PLEKHG7: variants seen among roughly 807,000 people sequenced by gnomAD.
PLEKHG7 encodes the protein pleckstrin homology and RhoGEF domain containing G7.
Under a neutral mutation model 85.2 loss-of-function variants are expected in PLEKHG7, and 77 were observed. The observed-to-expected ratio is 0.90, with a 90% CI of 0.75 to 1.09. The LOEUF is 1.09. Ranked by LOEUF, PLEKHG7 falls within the 50% of genes least tolerant of loss-of-function variation. PLEKHG7 has a pLI of 0.00. For missense variants in PLEKHG7, 777 were observed against 804.3 expected (o/e 0.97, Z 0.41); for synonymous variants, 301 against 302.4 (o/e 1.00, Z 0.05).
chr12:92,707,307 A>C, intron 2 of PLEKHG7, 169 bp downstream of exon 2: 1 of 1,431,234 alleles, frequency 7.0e-7, no homozygotes, highest in Non-Finnish European at 9.1e-7. Flanking sequence ...CTTAAGTGAA[A>C]GGAGGGCAGC....
intron 3 of PLEKHG7, among the ~76,000 whole-genome samples, chr12:92,727,927 GGT>G (rs540230230): frequency 0.27 from 23,242 of 84,868 alleles, 4,292 homozygotes; most frequent in Non-Finnish European, 0.31. Flanking sequence ...GGTATTCTAT[GGT>G]GTGTGTGTGT....
intron 3 of PLEKHG7, among the ~76,000 whole-genome samples, chr12:92,720,329 T>G (rs1871602667): frequency 6.6e-6 from 1 of 151,296 alleles, no homozygotes; most frequent in African/African-American, 2.4e-5. Flanking sequence ...GTGTCTTTTT[T>G]TTTTTCTTTT....
chr12:92,764,553 C>T (rs1873133212), intron 15 of PLEKHG7, among the ~76,000 whole-genome samples: 1 of 152,016 alleles, frequency 6.6e-6, no homozygotes, highest in Non-Finnish European at 1.5e-5. Context: ...ATCATTAATA[C>T]TATTGCTGTT....
intron 1 of PLEKHG7, among the ~76,000 whole-genome samples, chr12:92,704,178 T>A (rs1381334496): frequency 6.6e-6 from 1 of 152,046 alleles, no homozygotes; most frequent in African/African-American, 2.4e-5. Context: ...ATGAGGATTC[T>A]GTGAGGCTAG....
chr12:92,707,673 G>C lies in PLEKHG7; in HGVS notation c.530+1G>C, dbSNP rs761621304. The C allele has an allele frequency of 4.2e-5, 68 of 1,613,870 alleles. No homozygotes were observed. The highest frequency in any genetic ancestry group is 5.8e-5 in the Non-Finnish European group (68 of 1,179,946). On this transcript the variant is annotated splice_donor_variant, in intron 3 of 16. Transcript: ENST00000344636. LOFTEE classifies it high-confidence loss of function. The stretch of plus-strand genomic sequence containing the variant: ...AGGGAGAAGAATTGCACCCATCCAG[G>C]TGTGTATGCATTTATTTTCTCCGGT...
At chr12:92,714,519 C>T (rs1283275837) in intron 3 of PLEKHG7, among the ~76,000 whole-genome samples, 1 of 152,168 alleles carries the variant, frequency 6.6e-6, no homozygotes, top group South Asian at 2.1e-4. Flanking sequence ...GAGCTTGTGT[C>T]TATTTTTCAA....
intron 15 of PLEKHG7, among the ~76,000 whole-genome samples, chr12:92,764,454 T>C (rs1165224841): frequency 2.0e-5 from 3 of 152,186 alleles, no homozygotes; most frequent in Admixed American, 6.5e-5. Flanking sequence ...GGGATAATAA[T>C]ATCTATTTCA....
At chr12:92,709,979 C>T (rs1871336899) in intron 3 of PLEKHG7, among the ~76,000 whole-genome samples, 1 of 152,130 alleles carries the variant, frequency 6.6e-6, no homozygotes, top group African/African-American at 2.4e-5. Context: ...CCAAAGTGTC[C>T]AGGTGGCAAT....
rs760170614 is a variant in PLEKHG7 at position 92,727,962 on chromosome 12, G to GTGTGTATATA, written c.531-1030_531-1029insGTGTATATAT. 5.2e-5 allele frequency among the ~76,000 whole-genome samples: 5 copies of GTGTGTATATA among 96,546 alleles called. 1 individual carries two copies. Among genetic ancestry groups the GTGTGTATATA allele is most frequent in the Non-Finnish European group, 8.4e-5 (4 of 47,760 alleles). The allele number at this position is 96,546 out of a possible 152,430, so 63.3% of individuals were successfully genotyped here. On this transcript the variant is annotated intron_variant, in intron 3 of 16. Coordinates refer to ENST00000344636, the MANE Select transcript of PLEKHG7 (RefSeq NM_001377329.1). ...TGTGTGTGTGTGTGTGTGTGTGTGTGTATATATATATATACACATATATAC... is the reference window on the plus strand; with the variant it reads ...TGTGTGTGTGTGTGTGTGTGTGTGTGTGTGTATATATATATATATATATACACATATATAC...
chr12:92,706,699 C>T lies in PLEKHG7; in HGVS notation c.68C>T (p.Ser23Leu), dbSNP rs775118802. ...PQDCGASPRP[S>L]LRSLPKNQGS... ...GACTGTGGAGCCTCTCCTCGGCCCT[C>T]GCTGAGGAGCCTGCCAAAGAACCAG... The change falls in exon 2 of 17, where the codon TCG becomes TTG. Residue 23 changes from serine to leucine, a missense_variant. Ser to Leu is a moderately radical substitution (Grantham distance 145, BLOSUM62 -2). Transcript: ENST00000344636. 7 of 1,614,038 alleles carry T rather than the reference C, an allele frequency of 4.3e-6. No homozygotes were observed. Among genetic ancestry groups the T allele is most frequent in the African/African-American group, 4.0e-5 (3 of 74,922 alleles).
chr12:92,758,833 T>C (rs1565796801), intron 13 of PLEKHG7, among the ~76,000 whole-genome samples: 1 of 152,184 alleles, frequency 6.6e-6, no homozygotes, highest in Non-Finnish European at 1.5e-5. Context: ...CGAGATTTGA[T>C]GGGGCAGGGT....
intron 3 of PLEKHG7, among the ~76,000 whole-genome samples, chr12:92,726,391 T>C (rs1871816379): frequency 6.6e-6 from 1 of 152,222 alleles, no homozygotes; most frequent in Non-Finnish European, 1.5e-5. Context: ...TTCATAGCTA[T>C]GCTTTTGTTG....
At chr12:92,746,192 T>C (rs1218619536) in intron 10 of PLEKHG7, among the ~76,000 whole-genome samples, 1 of 152,246 alleles carries the variant, frequency 6.6e-6, no homozygotes, top group African/African-American at 2.4e-5. Flanking sequence ...CCTGCTTTGA[T>C]ATTTCTTTAG....
intron 16 of PLEKHG7, 85 bp from the exon 17 acceptor site, chr12:92,770,003 C>A: frequency 1.2e-6 from 1 of 842,300 alleles, no homozygotes; most frequent in Non-Finnish European, 1.9e-6. Context: ...ATAAATATAG[C>A]AGAAAATATT....
At position 92,722,605 on chromosome 12, in the gene PLEKHG7, C is replaced by T. The variant is rs11106688; in HGVS notation, c.531-6388C>T. On this transcript the variant is annotated intron_variant, in intron 3 of 16. Coordinates refer to ENST00000344636, the MANE Select transcript of PLEKHG7 (RefSeq NM_001377329.1). ...GTGCAAATTCAACTCCAAATTTGAC[C>T]TTTGTGCTCCCAAATGGATGCATGA... Among the ~76,000 whole-genome samples the T allele has an allele frequency of 1.8e-3, 268 of 152,266 alleles. 2 individuals carry two copies. The highest frequency in any genetic ancestry group is 6.3e-3 in the African/African-American group (263 of 41,554).
chr12:92,761,685 A>T lies in PLEKHG7; in HGVS notation c.1637-67A>T, dbSNP rs895434401. 5 of 1,423,764 alleles carry T rather than the reference A, an allele frequency of 3.5e-6. No homozygotes were observed. In the East Asian group the frequency reaches 1.2e-4, roughly 33 times the overall value. 88.2% of individuals were successfully genotyped at this position (1,423,764 alleles called of 1,614,324 possible). On this transcript the variant is annotated intron_variant, in intron 13 of 16. Transcript: ENST00000344636. The stretch of plus-strand genomic sequence containing the variant: ...AAGAAAGAAAGAAAGAAAGAAAGAA[A>T]GGGAAAGAAAAACTCTTCTACTTAA...
chr12:92,767,429 G>A (rs374385963), intron 15 of PLEKHG7, among the ~76,000 whole-genome samples: 13 of 151,670 alleles, frequency 8.6e-5, no homozygotes, highest in African/African-American at 3.1e-4. Flanking sequence ...ACAATGACCT[G>A]ATCTTTAAAG....
chr12:92,710,293 T>G (rs1871342459), intron 3 of PLEKHG7, among the ~76,000 whole-genome samples: 2 of 152,354 alleles, frequency 1.3e-5, no homozygotes, highest in Non-Finnish European at 1.5e-5. Flanking sequence ...TAGTTGGCAC[T>G]ACGATTGTGA....
chr12:92,766,399 C>T (rs1873197912), intron 15 of PLEKHG7, among the ~76,000 whole-genome samples: 1 of 152,182 alleles, frequency 6.6e-6, no homozygotes, highest in South Asian at 2.1e-4. Flanking sequence ...GAAGAGGATG[C>T]AGCTTGGCTG....
Sources: allele counts gnomAD v4.1 joint callset (sites outside exome capture counted in the v4.1 genomes callset), GRCh38; gene constraint gnomAD v4.1.1; transcripts MANE v1.5; gene names NCBI Gene and HGNC (gene_info 2026-07-23, HGNC 2026-07-21).